ARID4B: variants seen among roughly 807,000 people sequenced by gnomAD.
ARID4B encodes AT-rich interactive domain-containing protein 4B.
A neutral mutation model predicts 147.5 loss-of-function variants in ARID4B; 26 were observed. The ratio of observed to expected loss-of-function variants is 0.18; its 90% CI spans 0.13 to 0.24. ARID4B has a LOEUF of 0.24. Ranked by LOEUF, ARID4B falls within the 10% of genes least tolerant of loss-of-function variation. The pLI is 1.00. For synonymous variants in ARID4B, 512 were observed against 507.9 expected, an observed-to-expected ratio of 1.01 and a Z score of -0.11; for missense variants, 1,179 against 1,511.5, an observed-to-expected ratio of 0.78 and a Z score of 3.65.
At chr1:235,298,103 A>AT (rs1211474656) in intron 2 of ARID4B, among the ~76,000 whole-genome samples, 18 of 152,318 alleles carry the variant, frequency 1.2e-4, no homozygotes, top group African/African-American at 4.1e-4. Context: ...ACCGAAATAC[A>AT]TATGGGTGAA....
intron 22 of ARID4B, among the ~76,000 whole-genome samples, chr1:235,173,763 AAAAAAAAAATATATAT>A (rs1663579460): frequency 1.9e-5 from 1 of 52,530 alleles, no homozygotes; most frequent in Non-Finnish European, 3.2e-5. Context: ...AAAAAAAAAA[AAAAAAAAAATATATAT>A]ATATATATAT....
At chr1:235,224,591 G>T in intron 12 of ARID4B, 112 bp downstream of exon 12, 1 of 728,130 alleles carries the variant, frequency 1.4e-6, no homozygotes, top group Non-Finnish European at 2.4e-6. Flanking sequence ...CAAAAAGACA[G>T]CCATAATTAC....
At chr1:235,286,262 G>A (rs755983727) in intron 2 of ARID4B, among the ~76,000 whole-genome samples, 5 of 152,132 alleles carry the variant, frequency 3.3e-5, no homozygotes, top group Non-Finnish European at 7.4e-5. Flanking sequence ...TCAAACTCCT[G>A]GACTCAAGTG....
At chr1:235,174,692 A>G (rs1042521929) in intron 22 of ARID4B, among the ~76,000 whole-genome samples, 1 of 151,960 alleles carries the variant, frequency 6.6e-6, no homozygotes, top group African/African-American at 2.4e-5. Flanking sequence ...GGCGTCTGTA[A>G]TCCCAACTAC....
intron 2 of ARID4B, among the ~76,000 whole-genome samples, chr1:235,270,111 G>A (rs896301844): frequency 1.3e-5 from 2 of 151,920 alleles, no homozygotes; most frequent in Non-Finnish European, 2.9e-5. Flanking sequence ...GTGAAACCCC[G>A]TCTCTACTAA....
chr1:235,210,617 T>C (rs928806431), intron 17 of ARID4B, among the ~76,000 whole-genome samples: 7 of 152,228 alleles, frequency 4.6e-5, no homozygotes, highest in African/African-American at 1.7e-4. Context: ...TCTACTGAAG[T>C]ACATTTGTTT....
intron 2 of ARID4B, among the ~76,000 whole-genome samples, chr1:235,275,263 T>G (rs1378635824): frequency 3.3e-5 from 5 of 152,188 alleles, no homozygotes; most frequent in Admixed American, 3.3e-4. Flanking sequence ...AGTAATTCAT[T>G]AGACTGCTAG....
chr1:235,267,377 G>A (rs1670670920), intron 2 of ARID4B, among the ~76,000 whole-genome samples: 1 of 152,150 alleles, frequency 6.6e-6, no homozygotes, highest in South Asian at 2.1e-4. Flanking sequence ...TTTATATATA[G>A]CAATCCCAAT....
chr1:235,267,623 G>C (rs980999938), intron 2 of ARID4B, among the ~76,000 whole-genome samples: 1 of 152,176 alleles, frequency 6.6e-6, no homozygotes, highest in African/African-American at 2.4e-5. Context: ...ACGAGGTCAG[G>C]AGATGGAGAC....
chr1:235,255,511 A>G (rs1430372778), intron 5 of ARID4B, 149 bp downstream of exon 5: 4 of 518,912 alleles, frequency 7.7e-6, no homozygotes, highest in Non-Finnish European at 1.3e-5. Context: ...TTGGAAATAA[A>G]TTTTTAAAAG....
At chr1:235,175,869 T>C (rs1182839851) in intron 21 of ARID4B, among the ~76,000 whole-genome samples, 1 of 152,174 alleles carries the variant, frequency 6.6e-6, no homozygotes, top group Non-Finnish European at 1.5e-5. Flanking sequence ...ACTCTGAAGT[T>C]TGATATGTAT....
intron 3 of ARID4B, among the ~76,000 whole-genome samples, chr1:235,259,429 C>G (rs992781927): frequency 6.6e-6 from 1 of 152,234 alleles, no homozygotes; most frequent in Non-Finnish European, 1.5e-5. Flanking sequence ...GAAGGCTTTC[C>G]ACCAGGAGAG....
Position 235,194,223 on chromosome 1 carries a change from A to G in ARID4B, c.1927-12T>C. ...TTGTCTAATTTATTCTAGGTTAAGAAAAAAAGTATGTCGTAATTTATCATA... is the reference window on the plus strand; with the variant it reads ...TTGTCTAATTTATTCTAGGTTAAGAGAAAAAGTATGTCGTAATTTATCATA... On this transcript the variant is annotated splice_polypyrimidine_tract_variant and intron_variant, in intron 18 of 23. Coordinates refer to ENST00000264183, the MANE Select transcript of ARID4B (RefSeq NM_016374.6). The G allele has an allele frequency of 6.4e-7, 1 of 1,571,790 alleles. No individual in the cohort carries two copies. The highest frequency in any genetic ancestry group is 8.7e-7 in the Non-Finnish European group (1 of 1,143,398).
chr1:235,284,531 A>T (rs1572153129), intron 2 of ARID4B, among the ~76,000 whole-genome samples: 1 of 152,034 alleles, frequency 6.6e-6, no homozygotes, highest in African/African-American at 2.4e-5. Flanking sequence ...CTAGTATTTC[A>T]AATAAAAATT....
intron 5 of ARID4B, among the ~76,000 whole-genome samples, chr1:235,254,840 T>G (rs1669852172): frequency 6.6e-6 from 1 of 151,870 alleles, no homozygotes; most frequent in Non-Finnish European, 1.5e-5. Context: ...ATGTTCAATC[T>G]CACTAGTAAT....
chr1:235,228,282 GTTC>G (rs1425821958), intron 11 of ARID4B: 2 of 117,796 alleles, frequency 1.7e-5, no homozygotes, highest in Non-Finnish European at 3.7e-5. Context: ...AGGTAGGTAG[GTTC>G]TTTTTTTTTT....
intron 2 of ARID4B, among the ~76,000 whole-genome samples, chr1:235,272,041 A>G (rs1262539241): frequency 6.6e-6 from 1 of 152,212 alleles, no homozygotes; most frequent in Admixed American, 6.5e-5. Context: ...ATTTTGAAAG[A>G]CGTCATCAAC....
intron 16 of ARID4B, among the ~76,000 whole-genome samples, chr1:235,219,549 C>A (rs569261035): frequency 6.6e-6 from 1 of 152,078 alleles, no homozygotes; most frequent in Non-Finnish European, 1.5e-5. Context: ...TTTGCTCTAG[C>A]TAAAAATTTT....
intron 2 of ARID4B, among the ~76,000 whole-genome samples, chr1:235,268,464 T>G (rs1007281078): frequency 1.3e-5 from 2 of 152,038 alleles, no homozygotes; most frequent in African/African-American, 2.4e-5. Flanking sequence ...AAGAAAGTAC[T>G]AAGAGCAACC....
Sources: allele counts gnomAD v4.1 joint callset (sites outside exome capture counted in the v4.1 genomes callset), GRCh38; gene constraint gnomAD v4.1.1; transcripts MANE v1.5; gene names NCBI Gene and HGNC (gene_info 2026-07-23, HGNC 2026-07-21).